Variants in CDON observed in about 807,000 individuals in gnomAD.
CDON encodes the protein cell adhesion associated, oncogene regulated.
Under a neutral mutation model 120.9 loss-of-function variants are expected in CDON, and 73 were observed. The observed-to-expected ratio is 0.60, with a 90% CI of 0.50 to 0.73. CDON has a LOEUF of 0.73. Ranked by LOEUF, CDON falls within the 30% of genes least tolerant of loss-of-function variation. The probability of loss-of-function intolerance (pLI) is 0.00; values close to 1 mark genes in which losing one functional copy is unlikely to be tolerated. For missense variants in CDON, 1,470 were observed against 1,587.3 expected, an observed-to-expected ratio of 0.93 and a Z score of 1.26; for synonymous variants, 566 against 573.5, an observed-to-expected ratio of 0.99 and a Z score of 0.19.
intron 18 of CDON, among the ~76,000 whole-genome samples, chr11:125,968,420 G>A (rs556909506): frequency 6.6e-6 from 1 of 152,242 alleles, no homozygotes; most frequent in Non-Finnish European, 1.5e-5. Context: ...TTTTACACAT[G>A]GGGCAGGACT....
At chr11:125,987,924 C>T (rs1370819345) in intron 15 of CDON, among the ~76,000 whole-genome samples, 2 of 152,186 alleles carry the variant, frequency 1.3e-5, no homozygotes, top group Non-Finnish European at 2.9e-5. Context: ...AGTTTAAAAG[C>T]TGGAACTAAG....
rs182626584 is a variant in CDON, at chr11:125,972,129, T to C, written c.3356+6175A>G. Among the ~76,000 whole-genome samples the C allele has an allele frequency of 1.8e-3, 267 of 152,208 alleles. 3 individuals carry two copies. The highest frequency in any genetic ancestry group is 3.5e-4 in the Non-Finnish European group (24 of 67,980). ...CATAGTGAGCTTTACATATTACTCTTAAAAACTGCAAAGGGGTCAGGCGCG... is the reference window on the plus strand; with the variant it reads ...CATAGTGAGCTTTACATATTACTCTCAAAAACTGCAAAGGGGTCAGGCGCG... On this transcript the variant is annotated intron_variant, in intron 18 of 19. Coordinates refer to ENST00000531738, the MANE Select transcript of CDON (RefSeq NM_001378964.1).
At chr11:126,010,247 G>C in intron 8 of CDON, 94 bp downstream of exon 8, 1 of 890,544 alleles carries the variant, frequency 1.1e-6, no homozygotes. Flanking sequence ...TAGAGAGATT[G>C]CTGGATTCAT....
intron 1 of CDON, among the ~76,000 whole-genome samples, chr11:126,044,949 A>G (rs1017941497): frequency 1.3e-4 from 20 of 152,356 alleles, no homozygotes; most frequent in African/African-American, 4.8e-4. Context: ...TGATCATTAC[A>G]CACTGTTATG....
At chr11:126,018,268 T>C (rs1947529633) in intron 5 of CDON, 62 bp downstream of exon 5, 1 of 1,520,866 alleles carries the variant, frequency 6.6e-7, no homozygotes, top group Non-Finnish European at 9.1e-7. Context: ...TGAACTATCA[T>C]TGCCCAACTT....
At chr11:126,038,841 C>A (rs889161422) in intron 1 of CDON, among the ~76,000 whole-genome samples, 3 of 152,118 alleles carry the variant, frequency 2.0e-5, no homozygotes, top group African/African-American at 7.2e-5. Context: ...GATCAGATGG[C>A]AAGTGTAGGT....
intron 6 of CDON, 91 bp from the exon 7 acceptor site, chr11:126,015,601 A>C: frequency 1.5e-6 from 2 of 1,296,900 alleles, no homozygotes; most frequent in Admixed American, 3.8e-5. Flanking sequence ...CTCTACCAAT[A>C]ACCAGTTGAA....
At chr11:125,971,122 G>C (rs688059) in intron 18 of CDON, among the ~76,000 whole-genome samples, 156 of 152,210 alleles carry the variant, frequency 1.0e-3, no homozygotes, top group Non-Finnish European at 2.1e-3. Flanking sequence ...GGTGGCTCAC[G>C]CCTGTAATCC....
At chr11:126,062,087 C>T (rs907223424) in intron 1 of CDON, among the ~76,000 whole-genome samples, 1 of 152,238 alleles carries the variant, frequency 6.6e-6, no homozygotes, top group African/African-American at 2.4e-5. Flanking sequence ...GAAAAATACA[C>T]TCCCTGGGGC....
At chr11:126,057,795 C>T (rs1002920699) in intron 1 of CDON, among the ~76,000 whole-genome samples, 4 of 152,144 alleles carry the variant, frequency 2.6e-5, no homozygotes, top group East Asian at 3.8e-4. Flanking sequence ...TTCACGTGCC[C>T]GCACTATTAC....
At chr11:125,976,435 T>C (rs1057201651) in intron 18 of CDON, among the ~76,000 whole-genome samples, 20 of 152,028 alleles carry the variant, frequency 1.3e-4, no homozygotes, top group African/African-American at 4.1e-4. Context: ...TGTTCCAAGC[T>C]GAAGAGAATT....
In CDON at chr11:125,962,016, A is replaced by C; in HGVS notation, c.3357-18T>G. 6.3e-7 allele frequency: 1 copy of C among 1,591,860 alleles called. No individual in the cohort carries two copies. Among genetic ancestry groups the C allele is most frequent in the Non-Finnish European group, 8.6e-7 (1 of 1,159,802 alleles). On this transcript the variant is annotated intron_variant, in intron 18 of 19. Transcript: ENST00000531738. ...TGAAACACCTGCAGAGGTTAAACCA[A>C]AAGAAACAGAATTGTGTCTAGAGGA... is the stretch of plus-strand genomic sequence containing the variant.
chr11:126,012,244 AT>A (rs1373050201), intron 7 of CDON, among the ~76,000 whole-genome samples: 2 of 152,158 alleles, frequency 1.3e-5, no homozygotes, highest in African/African-American at 4.8e-5. Flanking sequence ...TCCACAGAAA[AT>A]TTTTAGACCA....
rs886047980 is a variant in CDON, at chr11:126,023,551, AG to A, written c.-61-15del. On this transcript the variant is annotated splice_polypyrimidine_tract_variant and intron_variant, in intron 1 of 19. Transcript: ENST00000531738. ...GTCCTTGGTTCACTAAAAAAGAAAA[AG>A]GAAAGAAAATCTAAACCATTGAAAT... 3.7e-6 allele frequency: 4 copies of A among 1,076,330 alleles called. No homozygotes were observed. Among genetic ancestry groups the A allele is most frequent in the Non-Finnish European group, 4.3e-6 (3 of 691,688 alleles). 66.7% of individuals were successfully genotyped at this position (1,076,330 alleles called of 1,614,324 possible).
intron 12 of CDON, among the ~76,000 whole-genome samples, chr11:125,996,699 C>CAAAAAAAA (rs71048761): frequency 9.4e-5 from 5 of 53,348 alleles, no homozygotes; most frequent in Non-Finnish European, 1.6e-4. Context: ...GACTCCATCT[C>CAAAAAAAA]AAAAAAAAAA....
At chr11:126,019,561 G>C in intron 4 of CDON, 58 bp downstream of exon 4, 2 of 1,585,628 alleles carry the variant, frequency 1.3e-6, no homozygotes, top group South Asian at 2.2e-5. Context: ...CTTAGAAGTA[G>C]CTTATTTAAT....
At chr11:126,045,032 T>TAG (rs1307583412) in intron 1 of CDON, among the ~76,000 whole-genome samples, 17 of 139,194 alleles carry the variant, frequency 1.2e-4, no homozygotes, top group African/African-American at 4.4e-4. Context: ...TTAAAATATA[T>TAG]ATATAGAGAG....
chr11:126,063,005 G>C (rs571625893), upstream of CDON, among the ~76,000 whole-genome samples: 4 of 152,000 alleles, frequency 2.6e-5, no homozygotes, highest in Admixed American at 2.6e-4. Flanking sequence ...GGGCCGTAGA[G>C]GCCGCTGTGC....
At chr11:126,039,232 A>G (rs1948187196) in intron 1 of CDON, among the ~76,000 whole-genome samples, 1 of 152,238 alleles carries the variant, frequency 6.6e-6, no homozygotes, top group Non-Finnish European at 1.5e-5. Context: ...TCCAAGACAG[A>G]TAATTGTACA....
Sources: gnomAD v4.1 joint callset for allele counts (sites outside exome capture counted in the v4.1 genomes callset) on GRCh38, gnomAD v4.1.1 for gene constraint, MANE v1.5 for transcripts, NCBI Gene and HGNC (gene_info 2026-07-23, HGNC 2026-07-21) for gene names.